ACOXL: variants seen among roughly 807,000 people sequenced by gnomAD.
ACOXL encodes the protein acyl-coenzyme A oxidase-like protein.
A neutral mutation model predicts 71.9 loss-of-function variants in ACOXL; 70 were observed. The ratio of observed to expected loss-of-function variants is 0.97; its 90% confidence interval spans 0.80 to 1.19. The LOEUF is 1.19. ACOXL is among the 50% of genes most tolerant of loss of function. The pLI is 0.00. For missense variants in ACOXL, 703 were observed against 736.3 expected (o/e 0.95, Z 0.52); for synonymous variants, 253 against 281.6 (o/e 0.90, Z 1.02).
chr2:111,080,172 C>A (rs778510417), intron 16 of ACOXL, among the ~76,000 whole-genome samples: 1 of 148,482 alleles, frequency 6.7e-6, no homozygotes, highest in African/African-American at 2.5e-5. Context: ...AAAACCAGCT[C>A]CTGGATTCAT....
intron 9 of ACOXL, among the ~76,000 whole-genome samples, chr2:110,834,436 G>A (rs1159127682): frequency 6.6e-6 from 1 of 152,190 alleles, no homozygotes; most frequent in Non-Finnish European, 1.5e-5. Context: ...TGTTTGAAAC[G>A]TAAGCCTAAG....
intron 9 of ACOXL, among the ~76,000 whole-genome samples, chr2:110,808,799 G>A (rs1162628561): frequency 6.6e-6 from 1 of 152,326 alleles, no homozygotes; most frequent in East Asian, 1.9e-4. Flanking sequence ...CTCCCCACTT[G>A]CAGCATGTAT....
intron 17 of ACOXL, among the ~76,000 whole-genome samples, chr2:111,115,246 T>C (rs1377672999): frequency 6.6e-6 from 1 of 152,210 alleles, no homozygotes; most frequent in Non-Finnish European, 1.5e-5. Flanking sequence ...ATGCTTATAG[T>C]ATGGAAGCAT....
intron 11 of ACOXL, among the ~76,000 whole-genome samples, chr2:110,913,055 A>G (rs1042803325): frequency 1.3e-5 from 2 of 152,248 alleles, no homozygotes; most frequent in African/African-American, 4.8e-5. Flanking sequence ...AACAGCAATC[A>G]GATAAAACTT....
intron 9 of ACOXL, among the ~76,000 whole-genome samples, chr2:110,817,362 G>A (rs1688039800): frequency 2.0e-5 from 3 of 152,242 alleles, no homozygotes; most frequent in African/African-American, 7.2e-5. Flanking sequence ...GTACACATCT[G>A]TGTCCCACTT....
intron 16 of ACOXL, among the ~76,000 whole-genome samples, chr2:111,091,046 C>A (rs1262351874): frequency 1.3e-5 from 2 of 152,112 alleles, no homozygotes; most frequent in Non-Finnish European, 2.9e-5. Flanking sequence ...AGTTAGGATC[C>A]CCCTGCTCCC....
At chr2:111,093,874 A>G (rs555242561) in intron 17 of ACOXL, 4 of 197,316 alleles carry the variant, frequency 2.0e-5, no homozygotes, top group Non-Finnish European at 4.1e-5. Flanking sequence ...AAAACAAAAC[A>G]AAACAACAAC....
At chr2:110,799,798 C>A (rs1017664649) in intron 7 of ACOXL, among the ~76,000 whole-genome samples, 1 of 152,016 alleles carries the variant, frequency 6.6e-6, no homozygotes. Context: ...TAAAATGCAC[C>A]AATCAGTGCT....
intron 10 of ACOXL, among the ~76,000 whole-genome samples, chr2:110,851,866 T>A (rs777618092): frequency 3.3e-5 from 5 of 152,094 alleles, no homozygotes; most frequent in Admixed American, 6.5e-5. Flanking sequence ...ACCTCACCAG[T>A]GAGAAAGGCG....
At chr2:110,806,780 A>G (rs527352278) in intron 9 of ACOXL, among the ~76,000 whole-genome samples, 1 of 152,042 alleles carries the variant, frequency 6.6e-6, no homozygotes, top group South Asian at 2.1e-4. Context: ...GAAACCTTGC[A>G]CTCTTGCTGG....
intron 14 of ACOXL, among the ~76,000 whole-genome samples, chr2:111,011,725 A>C (rs887876446): frequency 1.3e-5 from 2 of 152,090 alleles, no homozygotes; most frequent in African/African-American, 4.8e-5. Flanking sequence ...TCTACTAAAA[A>C]TACAAAAATT....
intron 11 of ACOXL, among the ~76,000 whole-genome samples, chr2:110,913,084 T>A (rs185694489): frequency 1.3e-5 from 2 of 152,320 alleles, no homozygotes; most frequent in African/African-American, 2.4e-5. Flanking sequence ...CTAGGATGGC[T>A]ATAATGAAAA....
chr2:111,094,229 T>A (rs2068689696), intron 17 of ACOXL: 1 of 152,166 alleles, frequency 6.6e-6, no homozygotes, highest in South Asian at 2.1e-4. Flanking sequence ...TTGAAGAACA[T>A]TTTTCCTTTT....
chr2:110,959,547 G>A (rs1288102349), intron 12 of ACOXL, among the ~76,000 whole-genome samples: 1 of 152,098 alleles, frequency 6.6e-6, no homozygotes, highest in Non-Finnish European at 1.5e-5. Flanking sequence ...CCTCCCACCT[G>A]GGCTATTTTT....
intron 16 of ACOXL, among the ~76,000 whole-genome samples, chr2:111,064,654 T>C (rs2066980073): frequency 1.3e-5 from 2 of 152,208 alleles, no homozygotes; most frequent in African/African-American, 4.8e-5. Flanking sequence ...ATATTTTTGA[T>C]CTGTGATTGA....
chr2:110,734,174 T>G (rs1180842699), intron 1 of ACOXL, among the ~76,000 whole-genome samples: 1 of 151,896 alleles, frequency 6.6e-6, no homozygotes, highest in Non-Finnish European at 1.5e-5. Flanking sequence ...TATTTTCAAA[T>G]GAATTAATAA....
chr2:110,905,078 G>A (rs1163460787), intron 10 of ACOXL, among the ~76,000 whole-genome samples: 1 of 152,138 alleles, frequency 6.6e-6, no homozygotes, highest in Non-Finnish European at 1.5e-5. Context: ...TAACACAGGT[G>A]CACATGACAC....
chr2:110,744,075 T>A (rs1239889979), intron 1 of ACOXL, among the ~76,000 whole-genome samples: 1 of 152,158 alleles, frequency 6.6e-6, no homozygotes, highest in African/African-American at 2.4e-5. Flanking sequence ...GTGCCCTGTC[T>A]GCAGCCAAAG....
At chr2:110,888,855 T>G (rs1223334327) in intron 10 of ACOXL, among the ~76,000 whole-genome samples, 1 of 152,208 alleles carries the variant, frequency 6.6e-6, no homozygotes, top group African/African-American at 2.4e-5. Flanking sequence ...AAGTTTTTAG[T>G]GTCTGGGGTA....
Sources: allele counts gnomAD v4.1 joint callset (sites outside exome capture counted in the v4.1 genomes callset), GRCh38; gene constraint gnomAD v4.1.1; transcripts MANE v1.5; gene names NCBI Gene and HGNC (gene_info 2026-07-23, HGNC 2026-07-21).